The following ZNF780B variants were observed in gnomAD, a reference collection of about 807,000 sequenced individuals.
The protein encoded by ZNF780B is zinc finger protein 779.
A neutral mutation model predicts 74.1 loss-of-function variants in ZNF780B; 52 were observed. That is an observed-to-expected ratio of 0.70 (90% CI 0.56 to 0.88). The LOEUF (loss-of-function observed/expected upper bound fraction) is 0.88. Among genes scored for constraint, ZNF780B ranks in the 40% least tolerant of loss-of-function variants. The probability of loss-of-function intolerance (pLI) is 0.00; values close to 1 mark genes in which losing one functional copy is unlikely to be tolerated. For missense variants in ZNF780B, 953 were observed against 1,007.6 expected (o/e 0.95, Z 0.73); for synonymous variants, 315 against 324.3 (o/e 0.97, Z 0.31).
At chr19:40,040,418 G>T (rs1355467772) in intron 4 of ZNF780B, among the ~76,000 whole-genome samples, 2 of 152,130 alleles carry the variant, frequency 1.3e-5, no homozygotes, top group East Asian at 3.8e-4. Flanking sequence ...GATGATGCTG[G>T]CCTCAAAAAA....
chr19:40,044,771 T>C (rs1972857239), intron 4 of ZNF780B, among the ~76,000 whole-genome samples: 1 of 151,728 alleles, frequency 6.6e-6, no homozygotes, highest in Admixed American at 6.6e-5. Flanking sequence ...TGATAAAAAA[T>C]AAAAGAGAAA....
At position 40,034,834 on chromosome 19, in the gene ZNF780B, C is replaced by A; in HGVS notation, c.2025G>T (p.Gly675=). 6.2e-7 allele frequency: 1 copy of A among 1,614,086 alleles called. No individual in the cohort carries two copies. Among genetic ancestry groups the A allele is most frequent in the Non-Finnish European group, 8.5e-7 (1 of 1,179,988 alleles). ...GVKPYECKEC[G]KGFSRVSNLI... Reference sequence around the variant, plus strand: ...GGTTTGAAACACGACTAAAGCCTTTCCCACACTCCTTACATTCATATGGTT... The same window carrying A: ...GGTTTGAAACACGACTAAAGCCTTTACCACACTCCTTACATTCATATGGTT... Residue 675 remains glycine, a synonymous_variant, in exon 5 of 5, where the codon GGG becomes GGT. Coordinates refer to ENST00000434248, the MANE Select transcript of ZNF780B (RefSeq NM_001005851.3).
Position 40,032,102 on chromosome 19 carries a change from G to T in ZNF780B, c.*2255C>A. The stretch of plus-strand genomic sequence containing the variant: ...GAACAAGGCTAAATGACACTATAAA[G>T]AAAGAAATCTAAACACATAGCCAAC... On this transcript the variant is annotated 3_prime_UTR_variant, in exon 5 of 5. Transcript: ENST00000434248. 1 of 452,434 alleles carries T rather than the reference G, an allele frequency of 2.2e-6. No individual in the cohort carries two copies. The highest frequency in any genetic ancestry group is 2.0e-5 in the African/African-American group (1 of 49,720). The allele number at this position is 452,434 out of a possible 1,614,324, so 28.0% of individuals were successfully genotyped here.
intron 1 of ZNF780B, chr19:40,055,930 G>A: frequency 6.5e-6 from 1 of 153,600 alleles, no homozygotes; most frequent in Non-Finnish European, 1.5e-5. Context: ...GCGTCCACAC[G>A]CCGTCCCGGT....
At chr19:40,043,889 C>T (rs1407716041) in intron 4 of ZNF780B, among the ~76,000 whole-genome samples, 1 of 152,236 alleles carries the variant, frequency 6.6e-6, no homozygotes, top group African/African-American at 2.4e-5. Flanking sequence ...CTTTGGCTTG[C>T]ACACAGTGCG....
At chr19:40,044,580 G>A (rs1162210890) in intron 4 of ZNF780B, among the ~76,000 whole-genome samples, 1 of 152,166 alleles carries the variant, frequency 6.6e-6, no homozygotes, top group Non-Finnish European at 1.5e-5. Flanking sequence ...AAAGGTGACA[G>A]AATTCATCAC....
chr19:40,047,391 T>C lies in ZNF780B; in HGVS notation c.216A>G (p.Thr72=). The C allele has an allele frequency of 6.2e-7, 1 of 1,613,714 alleles. No individual in the cohort carries two copies. Among genetic ancestry groups the C allele is most frequent in the Non-Finnish European group, 8.5e-7 (1 of 1,179,686 alleles). ...CTCACTTACCTGGATACCATCTGCT[T>C]GTTTCTTTACTTACAACAATCCAGG... ...KEPWIVVSKE[T]SRWYPDLESK... The change falls in exon 4 of 5, where the codon ACA becomes ACG. Residue 72 remains threonine (T), a synonymous_variant. Transcript: ENST00000434248.
chr19:40,053,101 A>G (rs140758834), intron 1 of ZNF780B, among the ~76,000 whole-genome samples: 3 of 152,340 alleles, frequency 2.0e-5, no homozygotes, highest in Non-Finnish European at 4.4e-5. Flanking sequence ...ATGAAATTAC[A>G]TCAAGCTAAA....
rs368685786 is a variant in ZNF780B, at chr19:40,050,375, C to G, written c.-43G>C. 1.3e-6 allele frequency: 2 copies of G among 1,583,004 alleles called. No individual in the cohort carries two copies. Among genetic ancestry groups the G allele is most frequent in the Non-Finnish European group, 1.7e-6 (2 of 1,170,568 alleles). On this transcript the variant is annotated splice_region_variant and 5_prime_UTR_variant, in exon 2 of 5. Coordinates refer to ENST00000434248, the MANE Select transcript of ZNF780B (RefSeq NM_001005851.3). ...ATTGGTCAATCTTCCTCGGGCTTCTCCCCTGGAAAACAACAACAACAAAAA... is the reference window on the plus strand; with the variant it reads ...ATTGGTCAATCTTCCTCGGGCTTCTGCCCTGGAAAACAACAACAACAAAAA...
At position 40,034,624 on chromosome 19, in the gene ZNF780B, G is replaced by A. The variant is rs551504640; in HGVS notation, c.2235C>T (p.Ile745=). Residue 745 remains isoleucine (I), a synonymous_variant, in exon 5 of 5, where the codon ATC becomes ATT. Transcript: ENST00000434248. ...GLLTQLAQHQ[I]IHTGEKPFKC... ...TAAATGGCTTCTCACCAGTATGAAT[G>A]ATCTGATGTTGAGCAAGCTGTGTCA... is the stretch of plus-strand genomic sequence containing the variant. 26 of 1,612,838 alleles carry A rather than the reference G, an allele frequency of 1.6e-5. No homozygotes were observed. Among genetic ancestry groups the A allele is most frequent in the Middle Eastern group, 1.7e-4 (1 of 6,048 alleles).
At chr19:40,037,625 G>A (rs2144732007) in intron 4 of ZNF780B, among the ~76,000 whole-genome samples, 1 of 152,176 alleles carries the variant, frequency 6.6e-6, no homozygotes, top group South Asian at 2.1e-4. Context: ...TCAGATCAAA[G>A]TTTACAGATC....
intron 1 of ZNF780B, among the ~76,000 whole-genome samples, chr19:40,052,480 T>C (rs1415463209): frequency 6.6e-6 from 1 of 152,066 alleles, no homozygotes. Flanking sequence ...AGTACTTCAA[T>C]ACATTATTTC....
chr19:40,039,488 T>A (rs1972525340), intron 4 of ZNF780B, among the ~76,000 whole-genome samples: 2 of 151,918 alleles, frequency 1.3e-5, no homozygotes, highest in Admixed American at 1.3e-4. Flanking sequence ...ATTGAATCTA[T>A]AAATTACCTT....
chr19:40,050,129 G>A (rs577655301), intron 2 of ZNF780B, among the ~76,000 whole-genome samples, 195 bp downstream of exon 2: 12 of 148,626 alleles, frequency 8.1e-5, no homozygotes, highest in East Asian at 2.0e-4. Flanking sequence ...CCTGGGAGGC[G>A]GAAGTTGCAA....
chr19:40,035,325 G>A lies in ZNF780B; in HGVS notation c.1534C>T (p.Arg512Cys), dbSNP rs61730563. The A allele has an allele frequency of 2.0e-5, 32 of 1,614,046 alleles. No homozygotes were observed. Among genetic ancestry groups the A allele is most frequent in the Non-Finnish European group, 2.5e-5 (29 of 1,180,006 alleles). Reference protein sequence around the residue: ...ECKDCGKAFNRGSNLVQHQSI... With the variant: ...ECKDCGKAFNCGSNLVQHQSI... Reference sequence around the variant, plus strand: ...TGATGTTGAACAAGGTTCGAGCCACGATTGAAGGCCTTCCCACAGTCTTTA... The same window carrying A: ...TGATGTTGAACAAGGTTCGAGCCACAATTGAAGGCCTTCCCACAGTCTTTA... Residue 512 changes from arginine to cysteine, a missense_variant, in exon 5 of 5, where the codon CGT (arginine) becomes TGT (cysteine). Coordinates refer to ENST00000434248, the MANE Select transcript of ZNF780B (RefSeq NM_001005851.3).
At chr19:40,048,284 A>G (rs1242826500) in intron 3 of ZNF780B, among the ~76,000 whole-genome samples, 1 of 152,018 alleles carries the variant, frequency 6.6e-6, no homozygotes, top group Non-Finnish European at 1.5e-5. Context: ...AACTCAACAC[A>G]CTCTTCTCCT....
chr19:40,032,593 C>G lies in ZNF780B; in HGVS notation c.*1764G>C. ...ATTAGCTGGGCATGGTGGCGGGTGC[C>G]TCTAGTCCCAGCTACTCAGGAGGCT... On this transcript the variant is annotated 3_prime_UTR_variant, in exon 5 of 5. Coordinates refer to ENST00000434248, the MANE Select transcript of ZNF780B (RefSeq NM_001005851.3). 5.4e-6 allele frequency: 1 copy of G among 186,168 alleles called. No homozygotes were observed. Among genetic ancestry groups the G allele is most frequent in the South Asian group, 9.9e-5 (1 of 10,152 alleles). The allele number at this position is 186,168 out of a possible 1,614,324, so 11.5% of individuals were successfully genotyped here. A position where few individuals can be genotyped will look rare whatever the true frequency, so the allele number is the denominator to read the frequency against.
Position 40,050,196 on chromosome 19 carries a change from C to CAAAAA in ZNF780B, c.9+123_9+127dup, listed in dbSNP as rs74179712. Reference sequence around the variant, plus strand: ...TGGGTGACAGAGCAAGACTCCGTCTCAAAAAAAAAAAAAAAAAAAAAAAAA... The same window carrying CAAAAA: ...TGGGTGACAGAGCAAGACTCCGTCTCAAAAAAAAAAAAAAAAAAAAAAAAAAAAAA... On this transcript the variant is annotated intron_variant, in intron 2 of 4. Transcript: ENST00000434248. The CAAAAA allele has an allele frequency of 4.2e-4, 164 of 392,322 alleles. 1 individual carries two copies. The highest frequency in any genetic ancestry group is 3.2e-3 in the African/African-American group (47 of 14,632). 24.3% of individuals were successfully genotyped at this position (392,322 alleles called of 1,614,324 possible).
At chr19:40,050,196 CAAAAAAAAAAA>C (rs74179712) in intron 2 of ZNF780B, 117 bp downstream of exon 2, 52 of 392,382 alleles carry the variant, frequency 1.3e-4, no homozygotes, top group African/African-American at 2.7e-4. Flanking sequence ...GACTCCGTCT[CAAAAAAAAAAA>C]AAAAAAAAAA....
Sources: allele counts gnomAD v4.1 joint callset (sites outside exome capture counted in the v4.1 genomes callset), GRCh38; gene constraint gnomAD v4.1.1; transcripts MANE v1.5; gene names NCBI Gene and HGNC (gene_info 2026-07-23, HGNC 2026-07-21).